RHEX: variants seen among roughly 807,000 people sequenced by gnomAD.
The protein encoded by RHEX is regulator of hemoglobinization and erythroid cell expansion.
Under a neutral mutation model 20.1 loss-of-function variants are expected in RHEX, and 18 were observed. The ratio of observed to expected loss-of-function variants is 0.90; its 90% confidence interval spans 0.62 to 1.33. The LOEUF (loss-of-function observed/expected upper bound fraction) is 1.33. Among genes scored for constraint, RHEX ranks in the 40% most tolerant of loss-of-function variants. The pLI, the probability that RHEX is intolerant of heterozygous loss-of-function variation, is 0.00. For missense variants in RHEX, 192 were observed against 214.3 expected (o/e 0.90, Z 0.65); for synonymous variants, 87 against 77.1 (o/e 1.13, Z -0.67).
intron 1 of RHEX, among the ~76,000 whole-genome samples, chr1:206,079,744 C>T (rs570474789): frequency 6.6e-6 from 1 of 152,056 alleles, no homozygotes; most frequent in Admixed American, 6.6e-5. Flanking sequence ...TTAGTAGAGA[C>T]GGGGTTTCAC....
rs992759730 is a variant in RHEX at position 206,100,138 on chromosome 1, C to T, written c.256+340C>T. On this transcript the variant is annotated intron_variant, in intron 4 of 5. Coordinates refer to ENST00000331555, the MANE Select transcript of RHEX (RefSeq NM_001007544.4). ...TCAGCTAATGGTGGAGTTAAAATTT[C>T]ACCTGCCTCTGCCTGCCTCCACCGT... Among the ~76,000 whole-genome samples the T allele has an allele frequency of 3.3e-5, 5 of 152,186 alleles. 1 individual carries two copies. In the South Asian group the frequency reaches 8.3e-4, roughly 25 times the overall value.
Position 206,101,942 on chromosome 1 carries a change from T to C in RHEX, c.509T>C (p.Val170Ala), listed in dbSNP as rs781973923. Residue 170 changes from valine (V) to alanine (A), a missense_variant, in exon 6 of 6, where the codon GTG becomes GCG. Val to Ala is a moderately conservative substitution (Grantham distance 64). Coordinates refer to ENST00000331555, the MANE Select transcript of RHEX (RefSeq NM_001007544.4). ...ALSEPAEYDQ[V>A]AM ...TCTGAGCCAGCGGAATATGATCAAG[T>C]GGCCATGTGAATTCCAAATATTTTT... The C allele has an allele frequency of 6.2e-7, 1 of 1,612,784 alleles. No individual in the cohort carries two copies. Among genetic ancestry groups the C allele is most frequent in the Non-Finnish European group, 8.5e-7 (1 of 1,178,858 alleles).
rs1663178946 is a variant in RHEX at position 206,101,180 on chromosome 1, T to G, written c.301T>G (p.Ser101Ala). The stretch of plus-strand genomic sequence containing the variant: ...AGATAGCTTGGATAGCTCCTGCAGT[T>G]CGCCTCCTGCCTGCCAGGTAATGGA... Reference protein sequence around the residue: ...PSDSLDSSCSSPPACQATEDV... With the variant: ...PSDSLDSSCSAPPACQATEDV... Residue 101 changes from serine (S) to alanine (A), a missense_variant, in exon 5 of 6, where the codon TCG (serine) becomes GCG (alanine). Physicochemically the swap from Ser to Ala is moderately conservative, Grantham distance 99 (BLOSUM62 1). Coordinates refer to ENST00000331555, the MANE Select transcript of RHEX (RefSeq NM_001007544.4). 3.1e-6 allele frequency: 5 copies of G among 1,612,726 alleles called. No homozygotes were observed. In the East Asian group the frequency reaches 1.1e-4, roughly 36 times the overall value.
intron 1 of RHEX, among the ~76,000 whole-genome samples, chr1:206,073,225 C>T (rs1256113377): frequency 6.6e-6 from 1 of 152,134 alleles, no homozygotes; most frequent in Non-Finnish European, 1.5e-5. Flanking sequence ...TCTGTCCTGG[C>T]CCTTTGCCCT....
chr1:206,091,533 T>G (rs1473615082), intron 1 of RHEX, among the ~76,000 whole-genome samples: 2 of 152,224 alleles, frequency 1.3e-5, no homozygotes, highest in Non-Finnish European at 2.9e-5. Context: ...ATTTTGGCAC[T>G]TTACCAAGAT....
At chr1:206,071,449 G>A (rs1327939497) in intron 1 of RHEX, among the ~76,000 whole-genome samples, 11 of 149,512 alleles carry the variant, frequency 7.4e-5, no homozygotes, top group African/African-American at 1.7e-4. Flanking sequence ...AATACTTTGC[G>A]TCCTTCAATC....
intron 1 of RHEX, chr1:206,083,688 T>C (rs1662780123): frequency 1.0e-6 from 1 of 958,872 alleles, no homozygotes; most frequent in Non-Finnish European, 1.2e-6. Context: ...TTAAATTAGT[T>C]TGAAGTGTGC....
chr1:206,082,634 A>T (rs1553286061), intron 1 of RHEX, among the ~76,000 whole-genome samples: 1 of 152,184 alleles, frequency 6.6e-6, no homozygotes, highest in African/African-American at 2.4e-5. Flanking sequence ...TATGAGATTT[A>T]AAAAATATCA....
At chr1:206,069,817 CT>C (rs1169951791) in intron 1 of RHEX, among the ~76,000 whole-genome samples, 1 of 152,134 alleles carries the variant, frequency 6.6e-6, no homozygotes, top group Non-Finnish European at 1.5e-5. Context: ...ATAAAACTAG[CT>C]TTTACCTATT....
At chr1:206,086,609 T>C (rs967399968) in intron 1 of RHEX, among the ~76,000 whole-genome samples, 16 of 152,260 alleles carry the variant, frequency 1.1e-4, no homozygotes, top group African/African-American at 3.9e-4. Flanking sequence ...AGAACAATAG[T>C]ATCTACCTCA....
chr1:206,099,842 T>G (rs782062510), intron 4 of RHEX, 44 bp downstream of exon 4: 3 of 1,597,790 alleles, frequency 1.9e-6, no homozygotes, highest in Non-Finnish European at 2.6e-6. Context: ...GGACTAACTT[T>G]GCTCTCTCTG....
At chr1:206,089,562 G>C (rs1553286760) in intron 1 of RHEX, among the ~76,000 whole-genome samples, 2 of 151,906 alleles carry the variant, frequency 1.3e-5, no homozygotes, top group African/African-American at 4.8e-5. Flanking sequence ...TAATGACGCT[G>C]TACAGAGCTC....
At chr1:206,058,280 A>G (rs1260047271) in intron 1 of RHEX, among the ~76,000 whole-genome samples, 1 of 152,006 alleles carries the variant, frequency 6.6e-6, no homozygotes, top group Non-Finnish European at 1.5e-5. Context: ...ATGATAAAAA[A>G]CTTCGTCGCT....
chr1:206,077,577 G>A (rs1322024282), intron 1 of RHEX, among the ~76,000 whole-genome samples: 1 of 152,186 alleles, frequency 6.6e-6, no homozygotes, highest in East Asian at 1.9e-4. Context: ...GTCAAGACCA[G>A]CTTGGTTAAC....
chr1:206,090,083 C>T (rs1405262998), intron 1 of RHEX, among the ~76,000 whole-genome samples: 1 of 151,532 alleles, frequency 6.6e-6, no homozygotes, highest in Non-Finnish European at 1.5e-5. Context: ...CCTCCACTTG[C>T]TTTGTGAACT....
intron 1 of RHEX, among the ~76,000 whole-genome samples, chr1:206,055,994 T>C (rs1307156592): frequency 6.6e-6 from 1 of 152,238 alleles, no homozygotes; most frequent in Non-Finnish European, 1.5e-5. Context: ...CCCTATGCTG[T>C]GGTGATTTTA....
chr1:206,076,921 A>C (rs1017745786), intron 1 of RHEX, among the ~76,000 whole-genome samples: 3 of 152,246 alleles, frequency 2.0e-5, no homozygotes, highest in African/African-American at 7.2e-5. Context: ...CTTTAAATAG[A>C]AAAGTCAGAA....
At chr1:206,083,891 C>T (rs973315615) in intron 1 of RHEX, among the ~76,000 whole-genome samples, 7 of 152,142 alleles carry the variant, frequency 4.6e-5, no homozygotes, top group African/African-American at 1.7e-4. Context: ...GGGGCTTCGG[C>T]CAGAAGGTAC....
chr1:206,070,747 C>T (rs1662509793), intron 1 of RHEX, among the ~76,000 whole-genome samples: 1 of 152,180 alleles, frequency 6.6e-6, no homozygotes, highest in Non-Finnish European at 1.5e-5. Flanking sequence ...AGACAATGCG[C>T]CCCTTGAATG....
Sources: gnomAD v4.1 joint callset for allele counts (sites outside exome capture counted in the v4.1 genomes callset) on GRCh38, gnomAD v4.1.1 for gene constraint, MANE v1.5 for transcripts, NCBI Gene and HGNC (gene_info 2026-07-23, HGNC 2026-07-21) for gene names.